The following CPNE1 variants were observed in gnomAD, a reference collection of about 807,000 sequenced individuals.
CPNE1 encodes the protein copine 1, also known as copine-1.
Under a neutral mutation model 63.2 loss-of-function variants are expected in CPNE1, and 58 were observed. The observed-to-expected ratio is 0.92, with a 90% CI of 0.74 to 1.14. The LOEUF (loss-of-function observed/expected upper bound fraction) is 1.14, where lower values mean the gene tolerates loss of function less well. Ranked by LOEUF, CPNE1 falls within the 50% of genes most tolerant of loss-of-function variation. The pLI is 0.00. For missense variants in CPNE1, 672 were observed against 661.7 expected (o/e 1.02, Z -0.17); for synonymous variants, 237 against 249.0 (o/e 0.95, Z 0.45).
rs745392563 is a variant in CPNE1, at chr20:35,631,789, G to A, written c.538-12C>T. 4 of 1,611,174 alleles carry A rather than the reference G, an allele frequency of 2.5e-6. No individual in the cohort carries two copies. The highest frequency in any genetic ancestry group is 2.2e-5 in the South Asian group (2 of 91,004). ...TTGTTCTTGATGACCTGAAGGTGGA[G>A]GCCAAGGCCTCCAGTGAGCTCTGGC... On this transcript the variant is annotated splice_polypyrimidine_tract_variant and intron_variant, in intron 6 of 15. Coordinates refer to ENST00000397443, the MANE Select transcript of CPNE1 (RefSeq NM_152925.3).
chr20:35,642,371 G>A (rs1253070085), intron 1 of CPNE1, among the ~76,000 whole-genome samples: 1 of 152,128 alleles, frequency 6.6e-6, no homozygotes, highest in Non-Finnish European at 1.5e-5. Flanking sequence ...TGAAGGTCTG[G>A]GTGGCAGGGC....
At position 35,631,037 on chromosome 20, in the gene CPNE1, G is replaced by A; in HGVS notation, c.862-3C>T. ...GAGCCAGTGAAGTCCACGCCCACCTGGGAGGAGGTGAGGAAGGCAGCTAAA... is the reference window on the plus strand; with the variant it reads ...GAGCCAGTGAAGTCCACGCCCACCTAGGAGGAGGTGAGGAAGGCAGCTAAA... On this transcript the variant is annotated splice_region_variant and splice_polypyrimidine_tract_variant and intron_variant, in intron 10 of 15. Transcript: ENST00000397443. 6.2e-7 allele frequency: 1 copy of A among 1,614,122 alleles called. No individual in the cohort carries two copies. The highest frequency in any genetic ancestry group is 1.3e-5 in the African/African-American group (1 of 75,010).
At chr20:35,653,455 T>A in intron 1 of CPNE1, 1 of 1,614,172 alleles carries the variant, frequency 6.2e-7, no homozygotes, top group African/African-American at 1.3e-5. Flanking sequence ...CTCTCTCATA[T>A]CTTCTAGGGT....
intron 1 of CPNE1, among the ~76,000 whole-genome samples, chr20:35,646,497 A>G (rs990251325): frequency 6.6e-6 from 1 of 150,724 alleles, no homozygotes; most frequent in Admixed American, 6.6e-5. Context: ...TGCTGGGATT[A>G]CAGGTGTGAC....
intron 8 of CPNE1, 35 bp downstream of exon 8, chr20:35,631,457 C>T (rs1329449392): frequency 7.5e-6 from 12 of 1,607,890 alleles, no homozygotes; most frequent in Middle Eastern, 1.6e-4. Flanking sequence ...GCTATCTAGG[C>T]CCATTTCCAC....
intron 1 of CPNE1, among the ~76,000 whole-genome samples, chr20:35,646,901 A>G (rs1309565210): frequency 6.6e-6 from 1 of 152,246 alleles, no homozygotes; most frequent in African/African-American, 2.4e-5. Flanking sequence ...ACTAAGATCA[A>G]TATCCAGATG....
Position 35,630,929 on chromosome 20 carries a change from C to T in CPNE1, c.967G>A (p.Val323Met), listed in dbSNP as rs777501055. The change falls in exon 11 of 16, where the codon GTG becomes ATG. Residue 323 changes from valine (V) to methionine (M), a missense_variant. Val to Met is a conservative substitution (Grantham distance 21, BLOSUM62 1). Coordinates refer to ENST00000397443, the MANE Select transcript of CPNE1 (RefSeq NM_152925.3). ...TCATAGTCCTGAACCACGCTGCCCA[C>T]ACTCCACAGTGCCATCAGGTACTCA... ...VNEYLMALWSVGSVVQDYDSD... is the reference protein window; with the variant it reads ...VNEYLMALWSMGSVVQDYDSD... 5 of 1,611,728 alleles carry T rather than the reference C, an allele frequency of 3.1e-6. No homozygotes were observed. In the South Asian group the frequency reaches 5.5e-5, roughly 18 times the overall value.
In CPNE1 at chr20:35,653,348, CGGGCAGTCCCGCATT is replaced by C. The variant is rs777593625; in HGVS notation, c.-1+11397_-1+11411del. 2.5e-6 allele frequency: 4 copies of C among 1,613,792 alleles called. No individual in the cohort carries two copies. The African/African-American group carries it at 5.3e-5, about 22-fold the overall frequency. ...AGTCCTGCACTGGGCAGTCCCACACCGGGCAGTCCCGCATTGGGCATTCCTGGAACTGCAGGATTA... is the reference window on the plus strand; with the variant it reads ...AGTCCTGCACTGGGCAGTCCCACACCGGGCATTCCTGGAACTGCAGGATTA... On this transcript the variant is annotated intron_variant, in intron 1 of 15. Transcript: ENST00000397443.
chr20:35,652,818 A>AGGGCCGGGGCCGGGGCCG, intron 1 of CPNE1: 3 of 1,602,570 alleles, frequency 1.9e-6, no homozygotes, highest in Non-Finnish European at 2.6e-6. Context: ...GGATTGGGCC[A>AGGGCCGGGGCCGGGGCCG]GGGCCGGGGC....
intron 1 of CPNE1, chr20:35,658,921 ATC>A (rs1472856636): frequency 1.3e-5 from 9 of 714,432 alleles, no homozygotes; most frequent in Non-Finnish European, 2.3e-5. Context: ...TCTATTCAAA[ATC>A]TCTTACCTGA....
rs887980332 is a variant in CPNE1 at position 35,632,244 on chromosome 20, G to C, written c.385-10C>G. 11 of 1,613,752 alleles carry C rather than the reference G, an allele frequency of 6.8e-6. No individual in the cohort carries two copies. Among genetic ancestry groups the C allele is most frequent in the Non-Finnish European group, 7.6e-6 (9 of 1,179,754 alleles). The stretch of plus-strand genomic sequence containing the variant: ...ATTCCTGAGCTGAGACCTAGGTAGG[G>C]GAGACTACATCACCTCATGAATTCA... On this transcript the variant is annotated splice_polypyrimidine_tract_variant and intron_variant, in intron 4 of 15. Transcript: ENST00000397443.
chr20:35,652,845 C>T, intron 1 of CPNE1: 1 of 1,574,248 alleles, frequency 6.4e-7, no homozygotes, highest in Middle Eastern at 1.7e-4. Context: ...CGGGGCCAGG[C>T]CCAAAAGCTG....
chr20:35,652,389 C>T (rs2033582898), intron 1 of CPNE1: 2 of 1,003,004 alleles, frequency 2.0e-6, no homozygotes, highest in Admixed American at 2.4e-5. Flanking sequence ...TCAACCAATG[C>T]TCTATGTTAT....
intron 1 of CPNE1, chr20:35,653,992 T>C (rs1220184709): frequency 3.1e-6 from 5 of 1,614,110 alleles, no homozygotes; most frequent in Non-Finnish European, 4.2e-6. Flanking sequence ...AATGACATGT[T>C]TGTTTTCTGC....
intron 14 of CPNE1, 78 bp downstream of exon 14, chr20:35,627,202 A>G: frequency 7.8e-7 from 1 of 1,287,884 alleles, no homozygotes; most frequent in Non-Finnish European, 1.0e-6. Flanking sequence ...AAAAAAAAAA[A>G]AAAAAAAGTC....
intron 1 of CPNE1, chr20:35,654,538 G>C (rs1229788894): frequency 6.2e-7 from 1 of 1,614,236 alleles, no homozygotes; most frequent in African/African-American, 1.3e-5. Flanking sequence ...AGGTGCTCCA[G>C]AGCCATTCAT....
chr20:35,663,033 T>C (rs2034319895), intron 1 of CPNE1, among the ~76,000 whole-genome samples: 1 of 152,228 alleles, frequency 6.6e-6, no homozygotes, highest in South Asian at 2.1e-4. Flanking sequence ...TCCAATAATA[T>C]ATACTAAGCA....
At chr20:35,636,241 A>G (rs547541506) in intron 1 of CPNE1, among the ~76,000 whole-genome samples, 2 of 152,288 alleles carry the variant, frequency 1.3e-5, no homozygotes, top group East Asian at 3.9e-4. Flanking sequence ...AGCAGAATAC[A>G]TGCTCCCTCA....
intron 1 of CPNE1, among the ~76,000 whole-genome samples, chr20:35,664,171 G>A (rs1205615828): frequency 6.6e-6 from 1 of 151,974 alleles, no homozygotes; most frequent in Non-Finnish European, 1.5e-5. Flanking sequence ...GCATTTCACT[G>A]CAAACCCCTC....
Sources: gnomAD v4.1 joint callset for allele counts (sites outside exome capture counted in the v4.1 genomes callset) on GRCh38, gnomAD v4.1.1 for gene constraint, MANE v1.5 for transcripts, NCBI Gene and HGNC (gene_info 2026-07-23, HGNC 2026-07-21) for gene names.